MEF2C: variants seen among roughly 807,000 people sequenced by gnomAD.
The protein encoded by MEF2C is myocyte enhancer factor 2C.
A neutral mutation model predicts 50.5 loss-of-function variants in MEF2C; 6 were observed. That is an observed-to-expected ratio of 0.12 (90% CI 0.07 to 0.23). The LOEUF (loss-of-function observed/expected upper bound fraction) is 0.23. MEF2C is among the 10% of genes least tolerant of loss of function. MEF2C has a pLI of 1.00. For synonymous variants in MEF2C, 183 were observed against 228.0 expected (o/e 0.80, Z 1.78); for missense variants, 276 against 605.0 (o/e 0.46, Z 5.70).
chr5:88,894,779 A>AT (rs199795055), intron 1 of MEF2C, among the ~76,000 whole-genome samples: 4 of 152,326 alleles, frequency 2.6e-5, no homozygotes, highest in Admixed American at 6.5e-5. Context: ...AAGGTCTGGT[A>AT]TTTTTTTAAA....
intron 1 of MEF2C, among the ~76,000 whole-genome samples, chr5:88,876,695 C>T (rs1281351432): frequency 1.3e-5 from 2 of 151,896 alleles, no homozygotes; most frequent in Non-Finnish European, 2.9e-5. Context: ...TGCTATCCTT[C>T]TAACTTGCTG....
chr5:88,783,626 A>T (rs1416954731), intron 3 of MEF2C, among the ~76,000 whole-genome samples: 1 of 152,124 alleles, frequency 6.6e-6, no homozygotes, highest in Non-Finnish European at 1.5e-5. Flanking sequence ...GTGAAACTCC[A>T]TCTCAAAAAA....
chr5:88,902,712 AG>A (rs1835792022), intron 1 of MEF2C, among the ~76,000 whole-genome samples: 3 of 151,896 alleles, frequency 2.0e-5, no homozygotes, highest in African/African-American at 4.8e-5. Flanking sequence ...TGGGATCATC[AG>A]AATAAAACAA....
upstream of MEF2C, among the ~76,000 whole-genome samples, chr5:88,885,198 G>C (rs574066407): frequency 6.6e-6 from 1 of 152,156 alleles, no homozygotes; most frequent in Non-Finnish European, 1.5e-5. Context: ...TAATATATGA[G>C]GACAGTATGG....
At chr5:88,868,005 T>C (rs947809978) in intron 1 of MEF2C, among the ~76,000 whole-genome samples, 5 of 151,986 alleles carry the variant, frequency 3.3e-5, no homozygotes, top group South Asian at 2.1e-4. Context: ...CTGTCTTTGC[T>C]CCAAAAAGAC....
chr5:88,793,374 G>C (rs1794658770), intron 3 of MEF2C, among the ~76,000 whole-genome samples: 1 of 152,088 alleles, frequency 6.6e-6, no homozygotes, highest in South Asian at 2.1e-4. Flanking sequence ...CAAAAAGTGA[G>C]GCTGAAGAGT....
rs1355693112 is a variant in MEF2C, at chr5:88,721,493, A to G, written c.*1111T>C. The G allele has an allele frequency of 6.6e-6, 1 of 152,592 alleles. No individual in the cohort carries two copies. The highest frequency in any genetic ancestry group is 1.5e-5 in the Non-Finnish European group (1 of 68,020). 9.5% of individuals were successfully genotyped at this position (152,592 alleles called of 1,614,324 possible). On this transcript the variant is annotated 3_prime_UTR_variant, in exon 11 of 11. Coordinates refer to ENST00000504921, the MANE Select transcript of MEF2C (RefSeq NM_002397.5). ...ATAAAATGTAAGCAGAGTAAAAGAA[A>G]ACAGAAAGAAAATAGTTACTCAAAT...
intron 1 of MEF2C, chr5:88,844,761 T>C (rs1276016223): frequency 1.2e-5 from 2 of 171,186 alleles, no homozygotes; most frequent in African/African-American, 4.8e-5. Flanking sequence ...AGTATTTACT[T>C]ACAACTTATA....
Position 88,875,013 on chromosome 5 carries a change from G to A in MEF2C, c.-143+7942C>T, listed in dbSNP as rs114995371. Among the ~76,000 whole-genome samples the A allele has an allele frequency of 4.6e-3, 699 of 152,044 alleles. 5 individuals carry two copies. The highest frequency in any genetic ancestry group is 0.016 in the African/African-American group (665 of 41,530). On this transcript the variant is annotated intron_variant, in intron 1 of 10. Transcript: ENST00000504921. ...CTACTGATTGAAAGGAGCCATGGCA[G>A]CTAGAAATTATTTTTTAATAGGATT...
chr5:88,749,683 A>G (rs144217910), intron 5 of MEF2C, among the ~76,000 whole-genome samples: 13 of 152,338 alleles, frequency 8.5e-5, no homozygotes, highest in African/African-American at 3.1e-4. Flanking sequence ...AAATTTGGCA[A>G]TGTTTATTTA....
At chr5:88,876,585 A>T (rs1468495820) in intron 1 of MEF2C, among the ~76,000 whole-genome samples, 1 of 151,974 alleles carries the variant, frequency 6.6e-6, no homozygotes, top group African/African-American at 2.4e-5. Flanking sequence ...GTCTCAACAT[A>T]TTTACATTAA....
chr5:88,766,288 C>T (rs1354568707), intron 3 of MEF2C, among the ~76,000 whole-genome samples: 6 of 152,072 alleles, frequency 3.9e-5, no homozygotes, highest in Admixed American at 2.6e-4. Context: ...AAAAAGAATG[C>T]TACATGGAGC....
chr5:88,740,791 A>G (rs895184639), intron 6 of MEF2C: 2 of 985,174 alleles, frequency 2.0e-6, no homozygotes, highest in African/African-American at 3.5e-5. Context: ...AAAAAATTCC[A>G]TTTAACTATG....
In MEF2C at chr5:88,722,870, G is replaced by T. The variant is rs1321876412; in HGVS notation, c.1156C>A (p.Gln386Lys). The change falls in exon 11 of 11, where the codon CAA (glutamine) becomes AAA (lysine). Residue 386 changes from glutamine (Q) to lysine (K), a missense_variant. Transcript: ENST00000504921. ...GGTTCTGACTTGATGTTGAGGCTTTGAGTAGAAGGCAGGGAGAGATTTGAA... is the reference window on the plus strand; with the variant it reads ...GGTTCTGACTTGATGTTGAGGCTTTTAGTAGAAGGCAGGGAGAGATTTGAA... ...QSSNLSLPST[Q>K]SLNIKSEPVS... is the part of the protein sequence containing the mutation. 1 of 1,613,850 alleles carries T rather than the reference G, an allele frequency of 6.2e-7. No homozygotes were observed. The highest frequency in any genetic ancestry group is 2.2e-5 in the East Asian group (1 of 44,872).
intron 1 of MEF2C, among the ~76,000 whole-genome samples, chr5:88,864,476 T>C (rs995558348): frequency 2.6e-5 from 4 of 151,680 alleles, no homozygotes; most frequent in African/African-American, 9.7e-5. Flanking sequence ...AACTTGGGCA[T>C]TGGTGTATGT....
At chr5:88,778,694 G>C (rs1033061346) in intron 3 of MEF2C, among the ~76,000 whole-genome samples, 1 of 152,152 alleles carries the variant, frequency 6.6e-6, no homozygotes, top group Non-Finnish European at 1.5e-5. Flanking sequence ...TTATAGGCCA[G>C]ATGAGAGGAA....
intron 1 of MEF2C, among the ~76,000 whole-genome samples, chr5:88,863,842 G>C (rs1252588850): frequency 2.9e-5 from 4 of 139,938 alleles, no homozygotes. Context: ...TTTTTTTTGA[G>C]AGAGAGCCTC....
chr5:88,737,890 T>G lies in MEF2C; in HGVS notation c.638-5989A>C, dbSNP rs1441955013. On this transcript the variant is annotated intron_variant, in intron 6 of 10. Coordinates refer to ENST00000504921, the MANE Select transcript of MEF2C (RefSeq NM_002397.5). ...TACTCTAGAAAATGAGTGCCTAAGA[T>G]AGCTTCTTAGTTGTTAGCTTTATTA... 3 of 985,048 alleles carry G rather than the reference T, an allele frequency of 3.0e-6. No homozygotes were observed. In the South Asian group the frequency reaches 1.4e-4, roughly 46 times the overall value. 61.0% of individuals were successfully genotyped at this position (985,048 alleles called of 1,614,324 possible).
At chr5:88,782,631 T>C (rs1788710290) in intron 3 of MEF2C, among the ~76,000 whole-genome samples, 1 of 152,234 alleles carries the variant, frequency 6.6e-6, no homozygotes, top group Non-Finnish European at 1.5e-5. Flanking sequence ...ATATGAATAT[T>C]TCTGAAGCAA....
Sources: gnomAD v4.1 joint callset for allele counts (sites outside exome capture counted in the v4.1 genomes callset) on GRCh38, gnomAD v4.1.1 for gene constraint, MANE v1.5 for transcripts, NCBI Gene and HGNC (gene_info 2026-07-23, HGNC 2026-07-21) for gene names.